The following PARP4 variants were observed in gnomAD, a reference collection of about 807,000 sequenced individuals.
PARP4 encodes the protein poly(ADP-ribose) polymerase family member 4.
PARP4 carries 120 observed loss-of-function variants against 187.7 expected under a neutral mutation model. The observed-to-expected ratio is 0.64, with a 90% CI of 0.55 to 0.74. PARP4 has a LOEUF of 0.74. Among genes scored for constraint, PARP4 ranks in the 30% least tolerant of loss-of-function variants. The pLI, the probability that PARP4 is intolerant of heterozygous loss-of-function variation, is 0.00. For missense variants in PARP4, 1,836 were observed against 2,070.5 expected (o/e 0.89, Z 2.20); for synonymous variants, 654 against 740.9 (o/e 0.88, Z 1.90).
intron 17 of PARP4, among the ~76,000 whole-genome samples, chr13:24,460,509 C>T (rs1465004234): frequency 7.7e-6 from 1 of 130,496 alleles, no homozygotes; most frequent in Non-Finnish European, 1.7e-5. Flanking sequence ...GGCTCTGCTG[C>T]ATGGGTGGGC....
chr13:24,494,988 C>T (rs1868868147), intron 6 of PARP4, among the ~76,000 whole-genome samples: 1 of 152,080 alleles, frequency 6.6e-6, no homozygotes, highest in African/African-American at 2.4e-5. Flanking sequence ...TCTTCTGCCT[C>T]AGCCTCCTGA....
At position 24,501,840 on chromosome 13, in the gene PARP4, G is replaced by GA. The variant is rs529899673; in HGVS notation, c.133-7dup. 2.3e-4 allele frequency: 345 copies of GA among 1,529,546 alleles called. 2 individuals carry two copies. The African/African-American group carries it at 4.2e-3, about 19-fold the overall frequency. 94.7% of individuals were successfully genotyped at this position (1,529,546 alleles called of 1,614,324 possible). A position where few individuals can be genotyped will look rare whatever the true frequency, so the allele number is the denominator to read the frequency against. The stretch of plus-strand genomic sequence containing the variant: ...TCTAAGATTATATGTGTGCACTAAG[G>GA]AAAAAAAGAGTCAATCCATTATGCA... On this transcript the variant is annotated splice_region_variant and splice_polypyrimidine_tract_variant and intron_variant, in intron 2 of 33. Coordinates refer to ENST00000381989, the MANE Select transcript of PARP4 (RefSeq NM_006437.4).
intron 22 of PARP4, among the ~76,000 whole-genome samples, chr13:24,454,429 C>A (rs73460725): frequency 2.6e-5 from 4 of 152,146 alleles, no homozygotes; most frequent in South Asian, 2.1e-4. Context: ...CTCCACTCCA[C>A]GCACCTCTCA....
chr13:24,501,581 G>A, intron 3 of PARP4, 52 bp downstream of exon 3: 1 of 1,238,200 alleles, frequency 8.1e-7, no homozygotes, highest in Non-Finnish European at 1.2e-6. Flanking sequence ...ACAAACCCAA[G>A]CGTGTACTAT....
rs1455320905 is a variant in PARP4, at chr13:24,503,698, G to A, written c.79C>T (p.Gln27Ter). The change falls in exon 2 of 34, where the codon CAA becomes TAA. Residue 27 changes from glutamine to a stop codon, truncating the protein, a stop_gained. Coordinates refer to ENST00000381989, the MANE Select transcript of PARP4 (RefSeq NM_006437.4). LOFTEE classifies it high-confidence loss of function. ...CCGCCATTTTCCTTAATGTCAGTTT[G>A]TAGCTTTTTCTTCTGCTGCTGAGGT... ...YLPQQQKKKL[Q>*]TDIKENGGKF... 4 of 1,613,918 alleles carry A rather than the reference G, an allele frequency of 2.5e-6. No homozygotes were observed. Among genetic ancestry groups the A allele is most frequent in the South Asian group, 2.2e-5 (2 of 91,074 alleles).
At position 24,504,703 on chromosome 13, in the gene PARP4, AT is replaced by A. The variant is rs901959893; in HGVS notation, c.-1-927del. Among the ~76,000 whole-genome samples the A allele has an allele frequency of 1.1e-3, 162 of 144,986 alleles. 2 individuals carry two copies. The highest frequency in any genetic ancestry group is 1.9e-3 in the African/African-American group (75 of 39,218). ...TTGTGTTTAATTTCCATTTTGTAAAATTTTTTTTTTGAGACAATCTTGCTCT... is the reference window on the plus strand; with the variant it reads ...TTGTGTTTAATTTCCATTTTGTAAAATTTTTTTTTGAGACAATCTTGCTCT... On this transcript the variant is annotated intron_variant, in intron 1 of 33. Transcript: ENST00000381989.
At position 24,434,607 on chromosome 13, in the gene PARP4, G is replaced by C; in HGVS notation, c.4534C>G (p.Arg1512Gly). The change falls in exon 31 of 34, where the codon CGA (arginine) becomes GGA (glycine). Residue 1512 changes from arginine (R) to glycine (G), a missense_variant. By Grantham distance (125) the Arg-to-Gly change is moderately radical (BLOSUM62 -2). Transcript: ENST00000381989. ...EESVGSLEGS[R>G]CPVFAFQSSD... ...CTTTGAAAAGCAAAGACAGGACATC[G>C]ACTTCCTTCGAGACTGCCTACTGAT... is the stretch of plus-strand genomic sequence containing the variant. 1 of 1,611,982 alleles carries C rather than the reference G, an allele frequency of 6.2e-7. No individual in the cohort carries two copies. Among genetic ancestry groups the C allele is most frequent in the Non-Finnish European group, 8.5e-7 (1 of 1,178,342 alleles).
chr13:24,500,553 TA>T (rs1869217641), intron 3 of PARP4, among the ~76,000 whole-genome samples, 171 bp from the exon 4 acceptor site: 1 of 132,520 alleles, frequency 7.5e-6, no homozygotes, highest in South Asian at 2.3e-4. Flanking sequence ...CCTTATAAAA[TA>T]GGGAGAACAT....
At chr13:24,476,080 C>A (rs1245100764) in intron 14 of PARP4, among the ~76,000 whole-genome samples, 1 of 152,074 alleles carries the variant, frequency 6.6e-6, no homozygotes, top group Non-Finnish European at 1.5e-5. Context: ...AGACACTACA[C>A]CTGGCCTGCC....
At chr13:24,490,907 A>C in intron 9 of PARP4, 79 bp from the exon 10 acceptor site, 274 of 1,276,958 alleles carry the variant, frequency 2.1e-4, no homozygotes, top group Non-Finnish European at 2.8e-4. Flanking sequence ...ACACTTTCTC[A>C]AAAAGATAGG....
intron 6 of PARP4, 140 bp from the exon 7 acceptor site, chr13:24,494,862 C>CTTTT (rs1868857849): frequency 1.8e-6 from 1 of 559,894 alleles, no homozygotes. Context: ...ATTTTAAATT[C>CTTTT]TTTTTCTTTT....
At chr13:24,506,259 C>T (rs1869663586) in intron 1 of PARP4, among the ~76,000 whole-genome samples, 1 of 152,098 alleles carries the variant, frequency 6.6e-6, no homozygotes, top group Non-Finnish European at 1.5e-5. Flanking sequence ...TTACTCCTAC[C>T]GGTGGGTTCG....
intron 10 of PARP4, among the ~76,000 whole-genome samples, chr13:24,490,193 C>T (rs1868551998): frequency 6.6e-6 from 1 of 152,168 alleles, no homozygotes; most frequent in African/African-American, 2.4e-5. Context: ...TTTGTTGTTA[C>T]TGGAGAATGC....
rs151287416 is a variant in PARP4, at chr13:24,467,966, G to A, written c.2133+1058C>T. On this transcript the variant is annotated intron_variant, in intron 17 of 33. Transcript: ENST00000381989. Reference sequence around the variant, plus strand: ...TTCATTACTTATTCCCATCCTGCAGGTGGATATCTTAGATGTCAAGAGCAA... The same window carrying A: ...TTCATTACTTATTCCCATCCTGCAGATGGATATCTTAGATGTCAAGAGCAA... Among the ~76,000 whole-genome samples the A allele has an allele frequency of 4.1e-3, 626 of 151,564 alleles. 3 individuals carry two copies. Among genetic ancestry groups the A allele is most frequent in the African/African-American group, 0.015 (601 of 41,250 alleles).
intron 1 of PARP4, among the ~76,000 whole-genome samples, chr13:24,507,573 C>T (rs1869778880): frequency 6.6e-6 from 1 of 152,236 alleles, no homozygotes; most frequent in African/African-American, 2.4e-5. Context: ...ATCACAGCCC[C>T]TGATATAGCC....
intron 12 of PARP4, among the ~76,000 whole-genome samples, chr13:24,479,463 G>C (rs1873151661): frequency 6.6e-6 from 1 of 152,208 alleles, no homozygotes; most frequent in Non-Finnish European, 1.5e-5. Context: ...GGGACGTGGA[G>C]AACCTTTATG....
In PARP4 at chr13:24,455,017, C is replaced by A. The variant is rs995000908; in HGVS notation, c.2758G>T (p.Gly920Cys). The change falls in exon 22 of 34, where the codon GGT becomes TGT. Residue 920 changes from glycine (G) to cysteine (C), a missense_variant and splice_region_variant. Gly to Cys is a radical substitution (Grantham distance 159). Coordinates refer to ENST00000381989, the MANE Select transcript of PARP4 (RefSeq NM_006437.4). ...QKVNIIQFGT[G>C]YKELFSYPKH... ...AGGACCAGGGCCAAAGCGCACTCACCTGTGCCGAACTGGATAATATTTACT... is the reference window on the plus strand; with the variant it reads ...AGGACCAGGGCCAAAGCGCACTCACATGTGCCGAACTGGATAATATTTACT... The A allele has an allele frequency of 1.1e-5, 18 of 1,587,358 alleles. No individual in the cohort carries two copies. Among genetic ancestry groups the A allele is most frequent in the Non-Finnish European group, 1.5e-5 (17 of 1,160,190 alleles).
At chr13:24,472,797 AGTTCTTACTC>A in intron 15 of PARP4, among the ~76,000 whole-genome samples, 1 of 151,618 alleles carries the variant, frequency 6.6e-6, no homozygotes, top group Admixed American at 6.6e-5. Context: ...TGCTTTGACC[AGTTCTTACTC>A]ACTTGGTATT....
intron 27 of PARP4, among the ~76,000 whole-genome samples, chr13:24,445,077 G>T (rs1871142343): frequency 6.6e-6 from 1 of 151,544 alleles, no homozygotes. Flanking sequence ...TCCCCCAGGA[G>T]CCCCACAATC....
Sources: gnomAD v4.1 joint callset for allele counts (sites outside exome capture counted in the v4.1 genomes callset) on GRCh38, gnomAD v4.1.1 for gene constraint, MANE v1.5 for transcripts, NCBI Gene and HGNC (gene_info 2026-07-23, HGNC 2026-07-21) for gene names.